The following SDK1 variants were observed in gnomAD, a reference collection of about 807,000 sequenced individuals.
SDK1 encodes the protein sidekick cell adhesion molecule 1, also known as protein sidekick-1.
In SDK1, 157 loss-of-function variants were observed where a neutral mutation model predicts 245.5. That is an observed-to-expected ratio of 0.64 (90% CI 0.56 to 0.73). The LOEUF is 0.73. Among genes scored for constraint, SDK1 ranks in the 30% least tolerant of loss-of-function variants. The probability of loss-of-function intolerance (pLI) is 0.00; values close to 1 mark genes in which losing one functional copy is unlikely to be tolerated. For missense variants in SDK1, 3,583 were observed against 3,002.3 expected, an observed-to-expected ratio of 1.19 and a Z score of -4.52; for synonymous variants, 1,647 against 1,278.5, an observed-to-expected ratio of 1.29 and a Z score of -6.15.
intron 19 of SDK1, among the ~76,000 whole-genome samples, chr7:4,060,295 G>T (rs1015988565): frequency 7.9e-5 from 12 of 152,134 alleles, no homozygotes; most frequent in African/African-American, 2.9e-4. Context: ...AAAGTAGAAA[G>T]ATTTCAAACA....
chr7:4,255,470 G>A (rs1787564050), intron 44 of SDK1, among the ~76,000 whole-genome samples: 1 of 152,202 alleles, frequency 6.6e-6, no homozygotes, highest in African/African-American at 2.4e-5. Context: ...TTTTGGGCCT[G>A]CTCCTCCCAG....
At chr7:3,772,678 T>A (rs986348909) in intron 4 of SDK1, among the ~76,000 whole-genome samples, 1 of 152,216 alleles carries the variant, frequency 6.6e-6, no homozygotes, top group African/African-American at 2.4e-5. Flanking sequence ...CTTTATTTCT[T>A]CATACAGCTC....
chr7:3,623,896 G>A (rs1252509839), intron 2 of SDK1, among the ~76,000 whole-genome samples: 2 of 152,126 alleles, frequency 1.3e-5, no homozygotes, highest in African/African-American at 4.8e-5. Flanking sequence ...TATAAAAATA[G>A]AAATTTGATG....
intron 44 of SDK1, among the ~76,000 whole-genome samples, chr7:4,256,403 C>G (rs913631689): frequency 1.3e-5 from 2 of 152,176 alleles, no homozygotes; most frequent in African/African-American, 4.8e-5. Flanking sequence ...GGTGCCTTAA[C>G]TCCAAGTTTA....
At chr7:4,126,744 A>G (rs1784413926) in intron 25 of SDK1, among the ~76,000 whole-genome samples, 1 of 152,236 alleles carries the variant, frequency 6.6e-6, no homozygotes, top group South Asian at 2.1e-4. Context: ...CGAGAATGGC[A>G]TGGCTGGCCT....
intron 14 of SDK1, among the ~76,000 whole-genome samples, chr7:3,988,234 AT>A (rs1195293078): frequency 3.3e-5 from 5 of 149,254 alleles, no homozygotes; most frequent in African/African-American, 9.9e-5. Context: ...AACCCTAGGA[AT>A]GGTCCCCAAT....
chr7:3,903,832 G>C (rs1781873912), intron 5 of SDK1, among the ~76,000 whole-genome samples: 1 of 152,128 alleles, frequency 6.6e-6, no homozygotes, highest in African/African-American at 2.4e-5. Flanking sequence ...GAACAGATTA[G>C]TACTCTCCCT....
At chr7:4,050,478 C>T (rs1789368637) in intron 18 of SDK1, among the ~76,000 whole-genome samples, 1 of 152,232 alleles carries the variant, frequency 6.6e-6, no homozygotes, top group South Asian at 2.1e-4. Flanking sequence ...ACTTCGCTGT[C>T]AGTTTGATCT....
intron 25 of SDK1, among the ~76,000 whole-genome samples, chr7:4,119,500 T>C (rs566212660): frequency 6.7e-6 from 1 of 148,642 alleles, no homozygotes; most frequent in East Asian, 1.9e-4. Context: ...ACTTTGCGTA[T>C]GGTTGGAAGG....
intron 1 of SDK1, among the ~76,000 whole-genome samples, chr7:3,387,083 T>A (rs1056948741): frequency 6.6e-5 from 10 of 152,150 alleles, no homozygotes; most frequent in African/African-American, 2.4e-4. Flanking sequence ...TGTTTACTCT[T>A]GGCTGACACG....
At chr7:3,332,752 G>A (rs1453479865) in intron 1 of SDK1, among the ~76,000 whole-genome samples, 1 of 152,120 alleles carries the variant, frequency 6.6e-6, no homozygotes, top group East Asian at 1.9e-4. Flanking sequence ...CCAGTAAGGT[G>A]CTTCTAGTTC....
rs188883780 is a variant in SDK1 at position 3,989,660 on chromosome 7, G to T, written c.2131+2338G>T. 6.9e-3 allele frequency among the ~76,000 whole-genome samples: 1,058 copies of T among 152,278 alleles called. 13 individuals carry two copies. The highest frequency in any genetic ancestry group is 0.024 in the African/African-American group (999 of 41,542). The stretch of plus-strand genomic sequence containing the variant: ...TCCCCTGAAACCCAGCTCCCCGTGG[G>T]TCCCTGGTGCTGCTCACTTTTCTGG... On this transcript the variant is annotated intron_variant, in intron 14 of 44. Coordinates refer to ENST00000404826, the MANE Select transcript of SDK1 (RefSeq NM_152744.4).
chr7:3,681,359 C>A (rs1784095542), intron 4 of SDK1, among the ~76,000 whole-genome samples: 2 of 152,054 alleles, frequency 1.3e-5, no homozygotes, highest in South Asian at 4.2e-4. Flanking sequence ...TGAGTTCATT[C>A]ATTTTAATGT....
At chr7:4,161,550 C>G (rs964481695) in intron 31 of SDK1, among the ~76,000 whole-genome samples, 3 of 152,144 alleles carry the variant, frequency 2.0e-5, no homozygotes, top group African/African-American at 7.2e-5. Context: ...CAGGGAGAGC[C>G]CAGTCTGGGT....
chr7:3,812,635 T>C (rs1165274439), intron 4 of SDK1, among the ~76,000 whole-genome samples: 1 of 152,260 alleles, frequency 6.6e-6, no homozygotes, highest in Non-Finnish European at 1.5e-5. Flanking sequence ...TTATGGTAAC[T>C]AAACTGGTGG....
At chr7:3,844,232 A>C (rs1642731506) in intron 5 of SDK1, among the ~76,000 whole-genome samples, 1 of 152,116 alleles carries the variant, frequency 6.6e-6, no homozygotes, top group South Asian at 2.1e-4. Context: ...CAGCCTCCCA[A>C]AATGCTGGGA....
At chr7:3,309,545 A>ATTTTTTT in intron 1 of SDK1, among the ~76,000 whole-genome samples, 1 of 40,626 alleles carries the variant, frequency 2.5e-5, no homozygotes, top group African/African-American at 7.1e-5. Context: ...TTTTTTTTAC[A>ATTTTTTT]TGAGTGTATA....
chr7:3,515,722 G>C (rs1782724652), intron 1 of SDK1, among the ~76,000 whole-genome samples: 1 of 152,030 alleles, frequency 6.6e-6, no homozygotes, highest in Non-Finnish European at 1.5e-5. Context: ...ATTTTGCTTT[G>C]TACATTTTGT....
intron 1 of SDK1, among the ~76,000 whole-genome samples, chr7:3,427,828 T>C (rs542914435): frequency 9.4e-6 from 1 of 106,174 alleles, no homozygotes; most frequent in African/African-American, 6.1e-5. Flanking sequence ...TGCACATCAT[T>C]GTCTCTTAGA....
Sources: gnomAD v4.1 joint callset for allele counts (sites outside exome capture counted in the v4.1 genomes callset) on GRCh38, gnomAD v4.1.1 for gene constraint, MANE v1.5 for transcripts, NCBI Gene and HGNC (gene_info 2026-07-23, HGNC 2026-07-21) for gene names.